Variants in ZFHX3 observed in about 807,000 individuals in gnomAD.
The protein encoded by ZFHX3 is zinc finger homeobox protein 3.
In ZFHX3, 42 loss-of-function variants were observed where a neutral mutation model predicts 279.1. The observed-to-expected ratio is 0.15, with a 90% CI of 0.12 to 0.19. The LOEUF (loss-of-function observed/expected upper bound fraction) is 0.19. Among genes scored for constraint, ZFHX3 ranks in the 10% least tolerant of loss-of-function variants. The pLI, the probability that ZFHX3 is intolerant of heterozygous loss-of-function variation, is 1.00. For missense variants in ZFHX3, 4,981 were observed against 4,754.0 expected (o/e 1.05, Z -1.40); for synonymous variants, 2,293 against 1,957.8 (o/e 1.17, Z -4.52).
chr16:73,399,729 C>T (rs1315531206), intron 3 of ZFHX3, among the ~76,000 whole-genome samples: 1 of 152,052 alleles, frequency 6.6e-6, no homozygotes, highest in East Asian at 1.9e-4. Flanking sequence ...TGTGTCATTC[C>T]AGCATCACCC....
At chr16:73,366,605 A>AAG (rs2016534709) in intron 3 of ZFHX3, among the ~76,000 whole-genome samples, 5 of 147,274 alleles carry the variant, frequency 3.4e-5, no homozygotes, top group African/African-American at 1.3e-4. Context: ...AAAAAAAAAA[A>AAG]AGAGAGAAAG....
chr16:72,921,687 G>A (rs2039588658), intron 3 of ZFHX3, among the ~76,000 whole-genome samples: 1 of 152,220 alleles, frequency 6.6e-6, no homozygotes, highest in African/African-American at 2.4e-5. Context: ...AGGGGATCGA[G>A]GAGTCTGGAG....
chr16:73,424,057 G>A lies in ZFHX3; in HGVS notation c.-1291+31946C>T, dbSNP rs181030497. 3.9e-3 allele frequency among the ~76,000 whole-genome samples: 591 copies of A among 152,222 alleles called. 5 individuals are homozygous for A. The highest frequency in any genetic ancestry group is 0.014 in the African/African-American group (561 of 41,538). On this transcript the variant is annotated intron_variant, in intron 3 of 17. Transcript: ENST00000641206. ...GGAAAAATTTCTTGGTGACATCAAT[G>A]AGCCACTGAATCCACCCATCTGAGA...
chr16:73,318,760 C>A (rs2015510054), intron 3 of ZFHX3, among the ~76,000 whole-genome samples: 1 of 152,184 alleles, frequency 6.6e-6, no homozygotes, highest in Admixed American at 6.5e-5. Context: ...GGTATAATAT[C>A]TTTGTGTCAC....
chr16:73,228,347 AG>A (rs1455048357), intron 5 of ZFHX3, among the ~76,000 whole-genome samples: 1 of 152,238 alleles, frequency 6.6e-6, no homozygotes, highest in Non-Finnish European at 1.5e-5. Context: ...TTGACCTAAA[AG>A]TTTACTCTTA....
At chr16:72,814,632 T>C (rs1186138728) in intron 5 of ZFHX3, among the ~76,000 whole-genome samples, 6 of 149,694 alleles carry the variant, frequency 4.0e-5, no homozygotes, top group Admixed American at 4.0e-4. Flanking sequence ...TTTTCCAAAC[T>C]CAAACTGCTC....
chr16:73,221,554 C>T (rs2012421181), intron 5 of ZFHX3, among the ~76,000 whole-genome samples: 1 of 152,004 alleles, frequency 6.6e-6, no homozygotes, highest in Non-Finnish European at 1.5e-5. Flanking sequence ...GAAATCACCG[C>T]TAAAGAACTT....
intron 5 of ZFHX3, among the ~76,000 whole-genome samples, chr16:72,824,720 T>C (rs1268604211): frequency 6.6e-6 from 1 of 152,204 alleles, no homozygotes; most frequent in Admixed American, 6.5e-5. Flanking sequence ...CCCTAATTAT[T>C]GGTGATAAAG....
At chr16:73,016,575 A>C (rs1964110542) in intron 1 of ZFHX3, among the ~76,000 whole-genome samples, 1 of 152,088 alleles carries the variant, frequency 6.6e-6, no homozygotes, top group Non-Finnish European at 1.5e-5. Flanking sequence ...GCTTCTCCTG[A>C]TGCCTCTCAA....
intron 3 of ZFHX3, among the ~76,000 whole-genome samples, chr16:72,948,718 G>A (rs923954444): frequency 6.6e-6 from 1 of 152,108 alleles, no homozygotes; most frequent in South Asian, 2.1e-4. Flanking sequence ...ACCTCTAAAC[G>A]ACCTTCATCA....
Position 73,604,374 on chromosome 16 carries a change from A to G in ZFHX3, c.-1547+75806T>C, listed in dbSNP as rs533134994. Among the ~76,000 whole-genome samples, 6 of 152,290 alleles carry G rather than the reference A, an allele frequency of 3.9e-5. No individual in the cohort carries two copies. The South Asian group carries it at 1.2e-3, about 32-fold the overall frequency. ...CGCTATGGCCCAAAATCACCTCCCC[A>G]GGCAATTTCAAATCTAATCCACTGG... is the stretch of plus-strand genomic sequence containing the variant. On this transcript the variant is annotated intron_variant, in intron 2 of 17. Transcript: ENST00000641206.
intron 2 of ZFHX3, among the ~76,000 whole-genome samples, chr16:73,629,089 G>C (rs1296125923): frequency 6.6e-6 from 1 of 152,236 alleles, no homozygotes; most frequent in African/African-American, 2.4e-5. Context: ...CCAAAGGATA[G>C]AGAGCAGTGA....
intron 3 of ZFHX3, among the ~76,000 whole-genome samples, chr16:72,929,596 T>A (rs773971546): frequency 6.6e-6 from 1 of 152,174 alleles, no homozygotes; most frequent in Non-Finnish European, 1.5e-5. Context: ...GGAAAAACTG[T>A]GTTCTGAAAG....
intron 3 of ZFHX3, among the ~76,000 whole-genome samples, chr16:72,934,924 G>A (rs1324479638): frequency 6.6e-6 from 1 of 152,114 alleles, no homozygotes; most frequent in African/African-American, 2.4e-5. Context: ...ATCATGTCAG[G>A]GGATCATGAA....
chr16:73,881,630 A>T (rs2030168921), intron 1 of ZFHX3, among the ~76,000 whole-genome samples: 1 of 151,666 alleles, frequency 6.6e-6, no homozygotes, highest in African/African-American at 2.4e-5. Flanking sequence ...CAGCATCTTG[A>T]TATATTCTGG....
At chr16:73,186,827 T>C (rs1967921712) in intron 5 of ZFHX3, among the ~76,000 whole-genome samples, 1 of 152,208 alleles carries the variant, frequency 6.6e-6, no homozygotes, top group Admixed American at 6.5e-5. Context: ...AGGTCATCAC[T>C]CTTGGAAAAT....
chr16:73,295,169 C>T (rs33076), intron 4 of ZFHX3, among the ~76,000 whole-genome samples: 4 of 152,026 alleles, frequency 2.6e-5, no homozygotes, highest in African/African-American at 7.2e-5. Context: ...GAGCTGAGAT[C>T]GCGCCACTGC....
intron 3 of ZFHX3, among the ~76,000 whole-genome samples, chr16:73,445,490 T>C (rs2018171642): frequency 6.6e-6 from 1 of 152,136 alleles, no homozygotes; most frequent in African/African-American, 2.4e-5. Context: ...TCAAGGTCTC[T>C]ACTTGTTATC....
intron 2 of ZFHX3, among the ~76,000 whole-genome samples, chr16:73,612,197 T>A (rs1319252398): frequency 6.6e-6 from 1 of 152,168 alleles, no homozygotes; most frequent in Non-Finnish European, 1.5e-5. Flanking sequence ...TTTTTGACAC[T>A]TGCAATGATT....
Sources: gnomAD v4.1 joint callset for allele counts (sites outside exome capture counted in the v4.1 genomes callset) on GRCh38, gnomAD v4.1.1 for gene constraint, MANE v1.5 for transcripts, NCBI Gene and HGNC (gene_info 2026-07-23, HGNC 2026-07-21) for gene names.